CAMKK2: variants seen among roughly 807,000 people sequenced by gnomAD.
CAMKK2 encodes the protein calcium/calmodulin dependent protein kinase kinase 2, also known as calcium/calmodulin-dependent protein kinase kinase 2.
In CAMKK2, 30 loss-of-function variants were observed where a neutral mutation model predicts 67.2. The ratio of observed to expected loss-of-function variants is 0.45; its 90% CI spans 0.33 to 0.61. The LOEUF (loss-of-function observed/expected upper bound fraction) is 0.61, where lower values mean the gene tolerates loss of function less well. Ranked by LOEUF, CAMKK2 falls within the 20% of genes least tolerant of loss-of-function variation. CAMKK2 has a pLI of 0.02. For missense variants in CAMKK2, 643 were observed against 802.0 expected (o/e 0.80, Z 2.39); for synonymous variants, 322 against 326.2 (o/e 0.99, Z 0.14).
intron 10 of CAMKK2, 104 bp from the exon 11 acceptor site, chr12:121,252,818 T>TG: frequency 1.7e-6 from 2 of 1,170,180 alleles, no homozygotes; most frequent in Admixed American, 2.0e-5. Context: ...CCCTTGGAGT[T>TG]GGGGCGGGAC....
Position 121,244,073 on chromosome 12 carries a change from G to A in CAMKK2, c.1596+500C>T, listed in dbSNP as rs1396049260. On this transcript the variant is annotated intron_variant, in intron 16 of 16. Coordinates refer to ENST00000404169, the MANE Select transcript of CAMKK2 (RefSeq NM_001270485.2). Reference sequence around the variant, plus strand: ...AGCAAGAAGGTCTGCATCCACTCGGGTGAGGGAACTCTTACGTTACTTTGC... The same window carrying A: ...AGCAAGAAGGTCTGCATCCACTCGGATGAGGGAACTCTTACGTTACTTTGC... 10 of 1,607,670 alleles carry A rather than the reference G, an allele frequency of 6.2e-6. No individual in the cohort carries two copies. In the African/African-American group the frequency reaches 6.7e-5, roughly 11 times the overall value.
intron 1 of CAMKK2, among the ~76,000 whole-genome samples, chr12:121,288,850 A>C (rs939992905): frequency 6.6e-6 from 1 of 152,186 alleles, no homozygotes; most frequent in Admixed American, 6.6e-5. Flanking sequence ...AAAAAGAGGC[A>C]ACATAAAAAT....
At chr12:121,287,989 A>C (rs1479764398) in intron 1 of CAMKK2, among the ~76,000 whole-genome samples, 1 of 152,220 alleles carries the variant, frequency 6.6e-6, no homozygotes, top group Non-Finnish European at 1.5e-5. Flanking sequence ...TTTAAATTTA[A>C]AAAATATAAA....
intron 9 of CAMKK2, 129 bp downstream of exon 9, chr12:121,255,421 T>C: frequency 4.1e-6 from 2 of 487,966 alleles, no homozygotes; most frequent in Non-Finnish European, 7.5e-6. Context: ...TCTGTCCCTC[T>C]AGAGGACCCC....
In CAMKK2 at chr12:121,285,756, G is replaced by A. The variant is rs1031328934; in HGVS notation, c.-60+10882C>T. 6.6e-6 allele frequency among the ~76,000 whole-genome samples: 1 copy of A among 152,190 alleles called. No individual in the cohort carries two copies. The highest frequency in any genetic ancestry group is 1.5e-5 in the Non-Finnish European group (1 of 68,046). On this transcript the variant is annotated intron_variant, in intron 1 of 16. Coordinates refer to ENST00000404169, the MANE Select transcript of CAMKK2 (RefSeq NM_001270485.2). This position sits in a 1 kb window ranked among gnomAD's most constrained non-coding sequence, Gnocchi z 4.1. ...GAGCTGGGGAGGTTGATGCAGCAGT[G>A]AGCCGTGATCATGCCACCGCACTCT...
rs1566058060 is a variant in CAMKK2 at position 121,255,232 on chromosome 12, AATTTTATATATATAT to A, written c.907+303_907+317del. Among the ~76,000 whole-genome samples, 150 of 66,040 alleles carry A rather than the reference AATTTTATATATATAT, an allele frequency of 2.3e-3. 1 individual carries two copies. The highest frequency in any genetic ancestry group is 3.5e-3 in the Non-Finnish European group (123 of 35,316). 43.3% of individuals were successfully genotyped at this position (66,040 alleles called of 152,430 possible). ...TATATATATAATTTTATATATATAT[AATTTTATATATATAT>A]AATTATATATATAATTTTATATATA... On this transcript the variant is annotated intron_variant, in intron 9 of 16. Transcript: ENST00000404169.
At chr12:121,291,559 G>A (rs1900026855) in intron 1 of CAMKK2, among the ~76,000 whole-genome samples, 1 of 152,158 alleles carries the variant, frequency 6.6e-6, no homozygotes, top group Non-Finnish European at 1.5e-5. Flanking sequence ...TATATGAAAT[G>A]TCCAAAACAA....
chr12:121,264,069 C>T (rs1894020599), intron 5 of CAMKK2, 130 bp from the exon 6 acceptor site: 3 of 842,814 alleles, frequency 3.6e-6, no homozygotes, highest in African/African-American at 1.7e-5. Flanking sequence ...GCTGCTGCCA[C>T]CAGGGGCTTT....
At chr12:121,251,826 C>CA (rs35539013) in intron 11 of CAMKK2, among the ~76,000 whole-genome samples, 6,560 of 85,610 alleles carry the variant, frequency 0.077, 658 homozygotes, top group African/African-American at 0.25. Context: ...GACTCCATCT[C>CA]AAAAAAAAAA....
chr12:121,266,528 G>A (rs1244992292), intron 5 of CAMKK2, among the ~76,000 whole-genome samples: 1 of 146,080 alleles, frequency 6.8e-6, no homozygotes, highest in African/African-American at 2.6e-5. Flanking sequence ...ATGGAGTCTC[G>A]CTCTGTCGCC....
intron 7 of CAMKK2, among the ~76,000 whole-genome samples, chr12:121,256,224 C>CA (rs1296454332): frequency 1.2e-4 from 18 of 152,132 alleles, no homozygotes; most frequent in Non-Finnish European, 2.5e-4. Flanking sequence ...ACTAAAAATA[C>CA]AAAAATCAGC....
Position 121,255,824 on chromosome 12 carries a change from G to C in CAMKK2, c.797-20C>G. The C allele has an allele frequency of 6.2e-7, 1 of 1,613,058 alleles. No individual in the cohort carries two copies. Among genetic ancestry groups the C allele is most frequent in the Non-Finnish European group, 8.5e-7 (1 of 1,179,124 alleles). The stretch of plus-strand genomic sequence containing the variant: ...CGAACACTGTAGGGAAGAAAAGGGT[G>C]AAACTGTTACATGGGAAACTGAACA... On this transcript the variant is annotated intron_variant, in intron 7 of 16. Coordinates refer to ENST00000404169, the MANE Select transcript of CAMKK2 (RefSeq NM_001270485.2).
intron 1 of CAMKK2, among the ~76,000 whole-genome samples, chr12:121,276,025 T>G (rs1896732619): frequency 6.6e-6 from 1 of 150,776 alleles, no homozygotes; most frequent in Non-Finnish European, 1.5e-5. Flanking sequence ...CCAAGTGTGG[T>G]GATGTACACC....
intron 16 of CAMKK2, chr12:121,243,999 G>T (rs1063836): frequency 1.3e-6 from 2 of 1,536,336 alleles, no homozygotes; most frequent in Non-Finnish European, 1.8e-6. Context: ...TGTCCTGGGA[G>T]GTTCTGGTCA....
chr12:121,252,752 T>C (rs2686345), intron 10 of CAMKK2, 38 bp from the exon 11 acceptor site: 1,206,786 of 1,606,612 alleles, frequency 0.75, 454,553 homozygotes, highest in African/African-American at 0.76. Context: ...GCATAAGGGG[T>C]GGTCCAGCCT....
At position 121,237,976 on chromosome 12, in the gene CAMKK2, T is replaced by C. The variant is rs2136103308; in HGVS notation, c.*2723A>G. 6.5e-6 allele frequency: 1 copy of C among 152,740 alleles called. No individual in the cohort carries two copies. Among genetic ancestry groups the C allele is most frequent in the African/African-American group, 2.4e-5 (1 of 41,578 alleles). 9.5% of individuals were successfully genotyped at this position (152,740 alleles called of 1,614,324 possible). ...GAACCAGCGTACCCTGAAACTTCCC[T>C]AGCACCTTGGAAGCAAGTGGAGGTC... On this transcript the variant is annotated 3_prime_UTR_variant, in exon 17 of 17. Transcript: ENST00000404169. The surrounding 1 kb of genome is among the most constrained non-coding windows in gnomAD (Gnocchi z 4.5).
chr12:121,242,565 G>T (rs1291969043), intron 16 of CAMKK2, among the ~76,000 whole-genome samples: 2 of 152,144 alleles, frequency 1.3e-5, no homozygotes, highest in Non-Finnish European at 2.9e-5. Flanking sequence ...ACAAGCTGGG[G>T]ACTGTGTCTG....
chr12:121,253,702 C>A lies in CAMKK2; in HGVS notation c.908-230G>T, dbSNP rs184391700. On this transcript the variant is annotated intron_variant, in intron 9 of 16. Transcript: ENST00000404169. The surrounding 1 kb of genome is among the most constrained non-coding windows in gnomAD (Gnocchi z 5.0). ...GAAGTCCCAGCCCACCATCACCCCA[C>A]CCCTTCTCAACAATGACACATAAAA... 6.6e-6 allele frequency among the ~76,000 whole-genome samples: 1 copy of A among 152,180 alleles called. No homozygotes were observed. The highest frequency in any genetic ancestry group is 1.5e-5 in the Non-Finnish European group (1 of 68,042).
intron 1 of CAMKK2, among the ~76,000 whole-genome samples, chr12:121,288,994 A>G (rs1899382760): frequency 6.6e-6 from 1 of 151,854 alleles, no homozygotes; most frequent in South Asian, 2.1e-4. Flanking sequence ...CTCTGAGACC[A>G]CTCACCTGGG....
Sources: allele counts gnomAD v4.1 joint callset (sites outside exome capture counted in the v4.1 genomes callset), GRCh38; gene constraint gnomAD v4.1.1; non-coding constraint Gnocchi (gnomAD v3.1); transcripts MANE v1.5; gene names NCBI Gene and HGNC (gene_info 2026-07-23, HGNC 2026-07-21).